Variants in KLRG1 observed in about 807,000 individuals in gnomAD.
The protein encoded by KLRG1 is killer cell lectin-like receptor subfamily G member 1.
KLRG1 carries 16 observed loss-of-function variants against 21.8 expected under a neutral mutation model. That is an observed-to-expected ratio of 0.73 (90% CI 0.50 to 1.11). The LOEUF (loss-of-function observed/expected upper bound fraction) is 1.11. KLRG1 is among the 50% of genes most tolerant of loss of function. The pLI is 0.00. For missense variants in KLRG1, 173 were observed against 218.3 expected, an observed-to-expected ratio of 0.79 and a Z score of 1.31; for synonymous variants, 69 against 75.9, an observed-to-expected ratio of 0.91 and a Z score of 0.47.
At chr12:9,078,390 A>G in the KLRG1 span, among the ~76,000 whole-genome samples, 1 of 152,272 alleles carries the variant, frequency 6.6e-6, no homozygotes, top group Admixed American at 6.5e-5. Context: ...TTATTGCTGC[A>G]TAGTATTCCA....
At chr12:9,104,555 C>T in the KLRG1 span, among the ~76,000 whole-genome samples, 5 of 152,002 alleles carry the variant, frequency 3.3e-5, no homozygotes, top group Non-Finnish European at 5.9e-5. Context: ...TCTTCCATCA[C>T]AGAGCTTACT....
chr12:9,072,254 A>T, the KLRG1 span: 1 of 1,338,396 alleles, frequency 7.5e-7, no homozygotes, highest in Non-Finnish European at 1.0e-6. Context: ...ATTTTTTGTG[A>T]ATAGTGCAAA....
the KLRG1 span, among the ~76,000 whole-genome samples, chr12:9,124,227 A>G: frequency 2.2e-4 from 33 of 151,790 alleles, no homozygotes; most frequent in African/African-American, 7.8e-4. Flanking sequence ...CTTGCCAAAG[A>G]TGGGATACCA....
chr12:8,987,862 T>A (rs1946869892), upstream of KLRG1, among the ~76,000 whole-genome samples: 1 of 152,238 alleles, frequency 6.6e-6, no homozygotes, highest in African/African-American at 2.4e-5. Flanking sequence ...TATTCCATTG[T>A]ATGTGTAGAC....
chr12:9,074,505 A>G, the KLRG1 span: 1 of 1,497,622 alleles, frequency 6.7e-7, no homozygotes, highest in Non-Finnish European at 9.1e-7. Flanking sequence ...TTTCTTTTTC[A>G]TTCAAATCTT....
At chr12:9,074,007 G>C in the KLRG1 span, among the ~76,000 whole-genome samples, 3 of 150,510 alleles carry the variant, frequency 2.0e-5, no homozygotes, top group African/African-American at 2.5e-5. Context: ...AGAATCGCTT[G>C]AACCTGGGAG....
chr12:9,106,169 A>T, the KLRG1 span: 2 of 942,906 alleles, frequency 2.1e-6, no homozygotes, highest in African/African-American at 3.3e-5. Flanking sequence ...TTTTAGCACA[A>T]ACCATAACTA....
At chr12:9,013,365 A>G (rs1304710455), downstream of KLRG1, among the ~76,000 whole-genome samples, 4 of 152,214 alleles carry the variant, frequency 2.6e-5, no homozygotes, top group Non-Finnish European at 5.9e-5. Flanking sequence ...TGACCTCACC[A>G]AATGAACTAA....
At chr12:9,000,891 G>A (rs567864132) in intron 3 of KLRG1, among the ~76,000 whole-genome samples, 10 of 152,136 alleles carry the variant, frequency 6.6e-5, no homozygotes, top group Admixed American at 2.0e-4. Flanking sequence ...GATGGTTTAC[G>A]GAGCAGGGCT....
At chr12:9,040,639 A>T in the KLRG1 span, among the ~76,000 whole-genome samples, 1 of 152,124 alleles carries the variant, frequency 6.6e-6, no homozygotes, top group African/African-American at 2.4e-5. Flanking sequence ...TTCTGTTTTT[A>T]TATGTGGTTG....
chr12:9,150,832 C>T, the KLRG1 span: 3 of 855,490 alleles, frequency 3.5e-6, no homozygotes, highest in South Asian at 2.9e-5. Flanking sequence ...TGTTCTTTGA[C>T]TCTTTTTCAC....
the KLRG1 span, chr12:9,157,299 C>T: frequency 1.2e-6 from 2 of 1,614,046 alleles, no homozygotes; most frequent in Non-Finnish European, 1.7e-6. Context: ...GGGTCCCCTC[C>T]TTTGCTACAT....
the KLRG1 span, chr12:9,095,556 T>C: frequency 6.2e-7 from 1 of 1,612,174 alleles, no homozygotes; most frequent in Non-Finnish European, 8.5e-7. Context: ...AAGCTGTACA[T>C]ATCCTTTTCA....
At chr12:9,125,375 A>T in the KLRG1 span, among the ~76,000 whole-genome samples, 6 of 152,212 alleles carry the variant, frequency 3.9e-5, no homozygotes, top group African/African-American at 1.4e-4. Context: ...TGGATGCAGG[A>T]CAAGAGCTTG....
At chr12:8,958,147 C>T (rs1946326683) in intron 1 of KLRG1, among the ~76,000 whole-genome samples, 1 of 152,330 alleles carries the variant, frequency 6.6e-6, no homozygotes, top group Admixed American at 6.5e-5. Context: ...CTTCTCCCAA[C>T]ATGGCCTCCC....
At chr12:9,048,016 T>A in the KLRG1 span, among the ~76,000 whole-genome samples, 1 of 152,158 alleles carries the variant, frequency 6.6e-6, no homozygotes, top group Non-Finnish European at 1.5e-5. Flanking sequence ...AATCAATCAG[T>A]TGGTGCTAAT....
chr12:9,112,451 G>T, the KLRG1 span: 6 of 1,613,694 alleles, frequency 3.7e-6, no homozygotes, highest in African/African-American at 6.7e-5. Flanking sequence ...AACCATCACT[G>T]TGGTCCGCTT....
At chr12:9,187,818 C>G in the KLRG1 span, among the ~76,000 whole-genome samples, 1 of 152,212 alleles carries the variant, frequency 6.6e-6, no homozygotes, top group Non-Finnish European at 1.5e-5. Context: ...ACCCTAATCA[C>G]TACTTGCTCT....
At chr12:9,098,806 A>G in the KLRG1 span, 2 of 1,593,166 alleles carry the variant, frequency 1.3e-6, no homozygotes, top group Non-Finnish European at 1.7e-6. Flanking sequence ...AGGTTTACCC[A>G]TGCATTCACT....
Sources: gnomAD v4.1 joint callset for allele counts (sites outside exome capture counted in the v4.1 genomes callset) on GRCh38, gnomAD v4.1.1 for gene constraint, MANE v1.5 for transcripts, NCBI Gene and HGNC (gene_info 2026-07-23, HGNC 2026-07-21) for gene names.